RBM10: variants seen among roughly 807,000 people sequenced by gnomAD.
RBM10 encodes the protein RNA-binding protein 10.
A neutral mutation model predicts 84.9 loss-of-function variants in RBM10; 1 was observed. The observed-to-expected ratio is 0.01, with a 90% CI of 0.00 to 0.06. The LOEUF is 0.06. Ranked by LOEUF, RBM10 falls within the 10% of genes least tolerant of loss-of-function variation. The probability of loss-of-function intolerance (pLI) is 1.00; values close to 1 mark genes in which losing one functional copy is unlikely to be tolerated. For missense variants in RBM10, 438 were observed against 839.0 expected (o/e 0.52, Z 5.90); for synonymous variants, 326 against 344.5 (o/e 0.95, Z 0.60).
intron 2 of RBM10, among the ~76,000 whole-genome samples, chrX:47,168,533 G>T: frequency 9.0e-6 from 1 of 110,778 alleles, no homozygotes; most frequent in East Asian, 2.8e-4. Flanking sequence ...GGGCAACAGT[G>T]CCAGATCCAT....
At chrX:47,166,282 C>T (rs781845167) in intron 2 of RBM10, among the ~76,000 whole-genome samples, 11 of 109,592 alleles carry the variant, frequency 1.0e-4, no homozygotes, top group Admixed American at 7.9e-4. Context: ...TGGTGCATTC[C>T]TGTAGTCCCA....
intron 2 of RBM10, among the ~76,000 whole-genome samples, chrX:47,160,847 T>C (rs1176365802): frequency 8.9e-6 from 1 of 112,566 alleles, no homozygotes; most frequent in Non-Finnish European, 1.9e-5. Flanking sequence ...ATAGTAAATA[T>C]TTTTGGCATT....
chrX:47,176,451 C>T (rs1020003889), intron 6 of RBM10, 49 bp from the exon 7 acceptor site: 55 of 1,206,045 alleles, frequency 4.6e-5, no homozygotes, highest in African/African-American at 7.0e-5. Context: ...TGAAACGGTG[C>T]GTGGGGCACT....
At chrX:47,159,215 G>C (rs1217907964) in intron 2 of RBM10, among the ~76,000 whole-genome samples, 1 of 111,400 alleles carries the variant, frequency 9.0e-6, no homozygotes, top group African/African-American at 3.3e-5. Flanking sequence ...TTCGAGACCA[G>C]CCTGACCAAC....
At chrX:47,172,951 CTG>C (rs1167289985) in intron 4 of RBM10, among the ~76,000 whole-genome samples, 175 bp from the exon 5 acceptor site, 3 of 112,542 alleles carry the variant, frequency 2.7e-5, no homozygotes, top group African/African-American at 6.4e-5. Flanking sequence ...AAAGTCAAGA[CTG>C]TGAACTGGTG....
chrX:47,162,125 G>GC (rs1319079699), intron 2 of RBM10, among the ~76,000 whole-genome samples: 2 of 112,805 alleles, frequency 1.8e-5, no homozygotes, highest in African/African-American at 6.4e-5. Context: ...ACAGGCGTGA[G>GC]CCACTGCGCC....
rs782459618 is a variant in RBM10, at chrX:47,171,174, GGAGGAGGAGGAT to G, written c.360_371del (p.Asp120_Glu123del). Reference sequence around the variant, plus strand: ...GGACCGAGCAAGGGGAGGAGGAGGAGGAGGAGGAGGATGAGGAGGAGGAGGAGAAGGCCAGTA... The same window carrying G: ...GGACCGAGCAAGGGGAGGAGGAGGAGGAGGAGGAGGAGGAGAAGGCCAGTA... On this transcript the variant is annotated inframe_deletion, in exon 4 of 24. Coordinates refer to ENST00000377604, the MANE Select transcript of RBM10 (RefSeq NM_005676.5). 3.3e-6 allele frequency: 4 copies of G among 1,208,694 alleles called. No homozygotes were observed. Among genetic ancestry groups the G allele is most frequent in the Non-Finnish European group, 4.5e-6 (4 of 894,262 alleles).
chrX:47,180,087 C>T (rs1569192959), intron 10 of RBM10, 47 bp downstream of exon 10: 3 of 1,202,858 alleles, frequency 2.5e-6, no homozygotes, highest in Middle Eastern at 2.4e-4. Flanking sequence ...TCCCGGCCCC[C>T]GGGGTGGAGA....
rs368569110 is a variant in RBM10, at chrX:47,181,731, G to A, written c.1576-18G>A. On this transcript the variant is annotated intron_variant, in intron 14 of 23. Transcript: ENST00000377604. ...GGCAGACACTGAGCCCTGTTCTCCT[G>A]TCTGGCCCCATGACCAGTCGTATAC... 31 of 1,208,656 alleles carry A rather than the reference G, an allele frequency of 2.6e-5. No homozygotes were observed. In the East Asian group the frequency reaches 8.3e-4, roughly 32 times the overall value.
At chrX:47,175,350 C>T (rs782528375) in intron 6 of RBM10, among the ~76,000 whole-genome samples, 1 of 110,355 alleles carries the variant, frequency 9.1e-6, no homozygotes, top group East Asian at 2.9e-4. Flanking sequence ...CTTCACCTCT[C>T]CCAGCTGAGC....
At chrX:47,159,544 A>AG (rs781977471) in intron 2 of RBM10, among the ~76,000 whole-genome samples, 99 of 111,914 alleles carry the variant, frequency 8.8e-4, no homozygotes, top group African/African-American at 2.7e-3. Flanking sequence ...AAAAGAACAA[A>AG]GCCAGAGGCA....
In RBM10 at chrX:47,157,781, T is replaced by TC. The variant is rs1353645690; in HGVS notation, c.17+10283_17+10284insC. On this transcript the variant is annotated intron_variant, in intron 2 of 23. Transcript: ENST00000377604. Reference sequence around the variant, plus strand: ...GCCGGCTGAGGTTCAGCTGCATGACTTTTTTTTTTTTTTTTTTGAGATCAG... The same window carrying TC: ...GCCGGCTGAGGTTCAGCTGCATGACTCTTTTTTTTTTTTTTTTTGAGATCAG... 4 of 83,633 alleles carry TC rather than the reference T, an allele frequency of 4.8e-5. No homozygotes were observed. In the East Asian group the frequency reaches 9.9e-4, roughly 21 times the overall value. The allele number at this position is 83,633 out of a possible 1,213,427, so 6.9% of individuals were successfully genotyped here.
At chrX:47,151,916 C>A (rs150490377) in intron 2 of RBM10, among the ~76,000 whole-genome samples, 3,038 of 112,019 alleles carry the variant, frequency 0.027, 116 homozygotes, top group African/African-American at 0.094. Flanking sequence ...TTTTTTCTCC[C>A]TTTGTCCATT....
intron 7 of RBM10, among the ~76,000 whole-genome samples, chrX:47,177,283 GTCACC>G (rs1422065786): frequency 8.9e-6 from 1 of 112,582 alleles, no homozygotes; most frequent in Non-Finnish European, 1.9e-5. Context: ...TGGTTTTGTA[GTCACC>G]TCTGTCTTCC....
At chrX:47,178,124 C>T (rs1430951801) in intron 7 of RBM10, among the ~76,000 whole-genome samples, 1 of 111,254 alleles carries the variant, frequency 9.0e-6, no homozygotes, top group Non-Finnish European at 1.9e-5. Flanking sequence ...TCACCTGGAA[C>T]ATTCCTCAAA....
chrX:47,178,424 C>G (rs1935300516), intron 7 of RBM10, among the ~76,000 whole-genome samples: 1 of 111,758 alleles, frequency 8.9e-6, no homozygotes, highest in Non-Finnish European at 1.9e-5. Flanking sequence ...GCCCATTTCC[C>G]TCCCCGAGCC....
At chrX:47,152,571 C>T (rs1932831911) in intron 2 of RBM10, among the ~76,000 whole-genome samples, 1 of 104,194 alleles carries the variant, frequency 9.6e-6, no homozygotes, top group Admixed American at 1.1e-4. Context: ...CTCAGCCTTC[C>T]AAGTAGCTGG....
rs192323585 is a variant in RBM10 at position 47,183,762 on chromosome X, T to A, written c.1951-1293T>A. On this transcript the variant is annotated intron_variant, in intron 17 of 23. Coordinates refer to ENST00000377604, the MANE Select transcript of RBM10 (RefSeq NM_005676.5). ...TCCAGGCTGGAGTGCAGTGGTGCAA[T>A]CTCGGATCACTGCAGCCTCCACCTC... Among the ~76,000 whole-genome samples, 345 of 110,546 alleles carry A rather than the reference T, an allele frequency of 3.1e-3. 2 individuals carry two copies. The highest frequency in any genetic ancestry group is 5.1e-3 in the Non-Finnish European group (271 of 52,892).
intron 2 of RBM10, among the ~76,000 whole-genome samples, chrX:47,149,100 G>A (rs1266509357): frequency 9.0e-6 from 1 of 111,516 alleles, no homozygotes; most frequent in African/African-American, 3.3e-5. Context: ...TTGAGTGACT[G>A]TGTTTTCAGT....
Sources: gnomAD v4.1 joint callset for allele counts (sites outside exome capture counted in the v4.1 genomes callset) on GRCh38, gnomAD v4.1.1 for gene constraint, MANE v1.5 for transcripts, NCBI Gene and HGNC (gene_info 2026-07-23, HGNC 2026-07-21) for gene names.